OBI1: variants seen among roughly 807,000 people sequenced by gnomAD.
The protein encoded by OBI1 is ring finger protein 219.
Under a neutral mutation model 62.4 loss-of-function variants are expected in OBI1, and 59 were observed. The ratio of observed to expected loss-of-function variants is 0.95; its 90% CI spans 0.77 to 1.17. OBI1 has a LOEUF of 1.17. OBI1 is among the 50% of genes most tolerant of loss of function. The pLI, the probability that OBI1 is intolerant of heterozygous loss-of-function variation, is 0.00. For missense variants in OBI1, 875 were observed against 830.9 expected (o/e 1.05, Z -0.65); for synonymous variants, 302 against 292.8 (o/e 1.03, Z -0.32).
At chr13:78,646,853 G>A (rs1310923383) in intron 1 of OBI1, among the ~76,000 whole-genome samples, 1 of 152,190 alleles carries the variant, frequency 6.6e-6, no homozygotes, top group African/African-American at 2.4e-5. Flanking sequence ...TGTAGAAAAG[G>A]AAGACATAAG....
intron 1 of OBI1, among the ~76,000 whole-genome samples, chr13:78,646,011 C>T (rs1876371886): frequency 1.3e-5 from 2 of 152,188 alleles, no homozygotes; most frequent in African/African-American, 4.8e-5. Flanking sequence ...CCTTTTCCAT[C>T]TCTTTTTTTA....
chr13:78,615,992 T>C lies in OBI1; in HGVS notation c.1769A>G (p.Asn590Ser). ...ATTAGTTAGAGAACCTTTGGAAAGGTTTAGCTCAGTTTTTTCTTCCAACTT... is the reference window on the plus strand; with the variant it reads ...ATTAGTTAGAGAACCTTTGGAAAGGCTTAGCTCAGTTTTTTCTTCCAACTT... ...PDKLEEKTELNLSKGSLTNDQ... is the reference protein window; with the variant it reads ...PDKLEEKTELSLSKGSLTNDQ... The change falls in exon 6 of 6, where the codon AAC (asparagine) becomes AGC (serine). Residue 590 changes from asparagine to serine, a missense_variant. By Grantham distance (46) the Asn-to-Ser change is conservative. Coordinates refer to ENST00000282003, the MANE Select transcript of OBI1 (RefSeq NM_024546.4). The C allele has an allele frequency of 1.2e-6, 2 of 1,614,122 alleles. No individual in the cohort carries two copies. Among genetic ancestry groups the C allele is most frequent in the Non-Finnish European group, 1.7e-6 (2 of 1,180,010 alleles).
In OBI1 at chr13:78,658,950, C is replaced by T. The variant is rs907152345; in HGVS notation, c.72+99G>A. On this transcript the variant is annotated intron_variant, in intron 1 of 5. Transcript: ENST00000282003. ...GTTAGCGTTTTCTCCCATCTCCGCG[C>T]CTCACGCCCCTTCCCCGCCCCCGCA... 2.9e-6 allele frequency: 3 copies of T among 1,046,192 alleles called. No homozygotes were observed. The East Asian group carries it at 7.9e-5, about 28-fold the overall frequency. 64.8% of individuals were successfully genotyped at this position (1,046,192 alleles called of 1,614,324 possible).
chr13:78,651,184 T>C (rs1036248887), intron 1 of OBI1, among the ~76,000 whole-genome samples: 2 of 152,206 alleles, frequency 1.3e-5, no homozygotes, highest in African/African-American at 2.4e-5. Flanking sequence ...TCATCTATCC[T>C]TTCCTTTGCA....
chr13:78,627,617 T>A (rs1274331602), intron 5 of OBI1, among the ~76,000 whole-genome samples: 1 of 152,236 alleles, frequency 6.6e-6, no homozygotes, highest in East Asian at 1.9e-4. Flanking sequence ...CATTCCTTTT[T>A]ATGGCTGCAT....
chr13:78,650,110 T>G (rs560899508), intron 1 of OBI1, among the ~76,000 whole-genome samples: 1 of 152,326 alleles, frequency 6.6e-6, no homozygotes, highest in East Asian at 1.9e-4. Flanking sequence ...TAGGTGTGTA[T>G]TTTTCTTATC....
intron 1 of OBI1, among the ~76,000 whole-genome samples, chr13:78,646,649 A>C (rs961418321): frequency 2.0e-5 from 3 of 152,280 alleles, no homozygotes; most frequent in East Asian, 3.9e-4. Flanking sequence ...AAGTAGAGGG[A>C]GAATGAAGAG....
At chr13:78,633,275 A>G (rs757430394) in intron 5 of OBI1, among the ~76,000 whole-genome samples, 9 of 152,194 alleles carry the variant, frequency 5.9e-5, no homozygotes, top group Non-Finnish European at 1.3e-4. Context: ...GTGAAAGAAA[A>G]ACGGGGTTGG....
chr13:78,616,041 TG>T lies in OBI1; in HGVS notation c.1719del (p.Ser574ValfsTer16), dbSNP rs1566273435. ...TTATCAGGTTCCTCAAGAAATTCAC[TG>T]CCTTGAGATGACTTTGATAACCCAT... ...DLDGLSKSSQ[G>X]SEFLEEPDKL... On this transcript the variant is annotated frameshift_variant, in exon 6 of 6. Transcript: ENST00000282003. LOFTEE classifies it high-confidence loss of function. The T allele has an allele frequency of 6.2e-7, 1 of 1,614,210 alleles. No individual in the cohort carries two copies. Among genetic ancestry groups the T allele is most frequent in the South Asian group, 1.1e-5 (1 of 91,088 alleles).
intron 1 of OBI1, among the ~76,000 whole-genome samples, chr13:78,648,638 G>A (rs1406768745): frequency 6.6e-6 from 1 of 152,144 alleles, no homozygotes; most frequent in African/African-American, 2.4e-5. Context: ...AGTAGGTCGG[G>A]CACGGTGGCT....
At chr13:78,644,590 T>A (rs1475005509) in intron 2 of OBI1, among the ~76,000 whole-genome samples, 1 of 152,188 alleles carries the variant, frequency 6.6e-6, no homozygotes, top group African/African-American at 2.4e-5. Flanking sequence ...CTGGGCTTTT[T>A]TGGGGCCCTT....
intron 5 of OBI1, among the ~76,000 whole-genome samples, chr13:78,622,245 C>T (rs1329183032): frequency 6.6e-6 from 1 of 151,988 alleles, no homozygotes; most frequent in Non-Finnish European, 1.5e-5. Context: ...CAGTTCAAGA[C>T]CAGCCTAGGC....
chr13:78,623,048 G>A (rs1217692198), intron 5 of OBI1, among the ~76,000 whole-genome samples: 1 of 152,084 alleles, frequency 6.6e-6, no homozygotes, highest in Non-Finnish European at 1.5e-5. Context: ...AACTACTAGG[G>A]AAGTTTTGGG....
chr13:78,616,945 C>A lies in OBI1; in HGVS notation c.816G>T (p.Gln272His), dbSNP rs138568780. 1.5e-5 allele frequency: 24 copies of A among 1,613,988 alleles called. No individual in the cohort carries two copies. Among genetic ancestry groups the A allele is most frequent in the South Asian group, 1.4e-4 (13 of 91,060 alleles). ...EEKEAMNSIC[Q>H]TALSADGKGS... ...CTTTGCCATCTGCAGAAAGTGCTGT[C>A]TGGCAAATGGAATTCATAGCTTCTT... The change falls in exon 6 of 6, where the codon CAG becomes CAT. Residue 272 changes from glutamine to histidine, a missense_variant. Physicochemically the swap from Gln to His is conservative, Grantham distance 24 (BLOSUM62 0). Transcript: ENST00000282003.
Position 78,616,047 on chromosome 13 carries a change from G to C in OBI1, c.1714C>G (p.Gln572Glu), listed in dbSNP as rs1411179785. The change falls in exon 6 of 6, where the codon CAA becomes GAA. Residue 572 changes from glutamine (Q) to glutamate (E), a missense_variant. Transcript: ENST00000282003. ...LDLDGLSKSSQGSEFLEEPDK... is the reference protein window; with the variant it reads ...LDLDGLSKSSEGSEFLEEPDK... ...GGTTCCTCAAGAAATTCACTGCCTT[G>C]AGATGACTTTGATAACCCATCCAAA... 1 of 1,613,978 alleles carries C rather than the reference G, an allele frequency of 6.2e-7. No individual in the cohort carries two copies. Among genetic ancestry groups the C allele is most frequent in the African/African-American group, 1.3e-5 (1 of 74,910 alleles).
intron 5 of OBI1, among the ~76,000 whole-genome samples, chr13:78,626,435 T>C (rs564476982): frequency 2.6e-5 from 4 of 152,176 alleles, no homozygotes; most frequent in Non-Finnish European, 5.9e-5. Flanking sequence ...ACGACAGTCA[T>C]GGAAATGATC....
chr13:78,628,400 T>C (rs1377779253), intron 5 of OBI1, among the ~76,000 whole-genome samples: 2 of 152,216 alleles, frequency 1.3e-5, no homozygotes, highest in Non-Finnish European at 2.9e-5. Context: ...CAGTAGAAGG[T>C]GCTGAGTGAA....
chr13:78,633,623 T>C, intron 5 of OBI1, among the ~76,000 whole-genome samples: 1 of 152,166 alleles, frequency 6.6e-6, no homozygotes, highest in East Asian at 1.9e-4. Context: ...TTTGTCATCT[T>C]TTTTTTCTGG....
intron 3 of OBI1, 28 bp downstream of exon 3, chr13:78,642,094 A>G (rs1255158719): frequency 2.2e-6 from 3 of 1,375,762 alleles, no homozygotes; most frequent in African/African-American, 1.4e-5. Context: ...CACTGCTAAC[A>G]TAATTTTAAA....
Sources: allele counts gnomAD v4.1 joint callset (sites outside exome capture counted in the v4.1 genomes callset), GRCh38; gene constraint gnomAD v4.1.1; transcripts MANE v1.5; gene names NCBI Gene and HGNC (gene_info 2026-07-23, HGNC 2026-07-21).